Variants in SCHIP1 observed in about 807,000 individuals in gnomAD.
The protein encoded by SCHIP1 is schwannomin interacting protein 1, also known as schwannomin-interacting protein 1.
In SCHIP1, 8 loss-of-function variants were observed where a neutral mutation model predicts 29.7. The observed-to-expected ratio is 0.27, with a 90% confidence interval of 0.16 to 0.49. The LOEUF (loss-of-function observed/expected upper bound fraction) is 0.49, where lower values mean the gene tolerates loss of function less well. Ranked by LOEUF, SCHIP1 falls within the 20% of genes least tolerant of loss-of-function variation. The pLI, the probability that SCHIP1 is intolerant of heterozygous loss-of-function variation, is 0.99. For missense variants in SCHIP1, 193 were observed against 294.6 expected (o/e 0.66, Z 2.52); for synonymous variants, 76 against 94.9 (o/e 0.80, Z 1.16).
intron 5 of SCHIP1, among the ~76,000 whole-genome samples, chr3:159,891,233 TG>T (rs1251698585): frequency 6.6e-6 from 1 of 152,098 alleles, no homozygotes; most frequent in Non-Finnish European, 1.5e-5. Context: ...TAGCCAGGCT[TG>T]GTGGCACATG....
the SCHIP1 span, among the ~76,000 whole-genome samples, chr3:159,494,754 T>G: frequency 6.6e-6 from 1 of 152,324 alleles, no homozygotes; most frequent in Non-Finnish European, 1.5e-5. Context: ...ACTCATTTTT[T>G]TAGGCCAGCA....
chr3:159,767,822 G>A, the SCHIP1 span, among the ~76,000 whole-genome samples: 2 of 152,080 alleles, frequency 1.3e-5, no homozygotes, highest in Non-Finnish European at 2.9e-5. Flanking sequence ...CTGGTGTATT[G>A]TTTTCTTAGT....
chr3:159,698,438 T>G, the SCHIP1 span, among the ~76,000 whole-genome samples: 1 of 152,212 alleles, frequency 6.6e-6, no homozygotes, highest in Non-Finnish European at 1.5e-5. Context: ...CCATCATTTG[T>G]GCAAGGCCAA....
chr3:159,347,130 C>T, the SCHIP1 span, among the ~76,000 whole-genome samples: 3 of 152,142 alleles, frequency 2.0e-5, no homozygotes, highest in Non-Finnish European at 4.4e-5. Flanking sequence ...CATCTATAGA[C>T]GATAGTACGT....
chr3:159,534,444 C>G, the SCHIP1 span, among the ~76,000 whole-genome samples: 1 of 152,156 alleles, frequency 6.6e-6, no homozygotes, highest in African/African-American at 2.4e-5. Context: ...TTCTTGCTCT[C>G]AAAATCCTGG....
the SCHIP1 span, among the ~76,000 whole-genome samples, chr3:159,516,847 G>T: frequency 6.6e-6 from 1 of 152,032 alleles, no homozygotes; most frequent in African/African-American, 2.4e-5. Context: ...CCTCACCCCT[G>T]CCTTTAGTCT....
At chr3:159,485,281 A>G in the SCHIP1 span, among the ~76,000 whole-genome samples, 1 of 152,174 alleles carries the variant, frequency 6.6e-6, no homozygotes, top group Non-Finnish European at 1.5e-5. Flanking sequence ...TACTGCTCTG[A>G]GTGACTTTGA....
At chr3:159,685,505 T>C in the SCHIP1 span, among the ~76,000 whole-genome samples, 1 of 152,252 alleles carries the variant, frequency 6.6e-6, no homozygotes, top group Non-Finnish European at 1.5e-5. Context: ...TACAACTCTT[T>C]AATTCTGTAA....
the SCHIP1 span, among the ~76,000 whole-genome samples, chr3:159,551,657 T>C: frequency 1.3e-5 from 2 of 152,156 alleles, no homozygotes; most frequent in African/African-American, 4.8e-5. Context: ...ATATGGCAAA[T>C]GTTAAGTTTT....
the SCHIP1 span, among the ~76,000 whole-genome samples, chr3:159,391,009 G>C: frequency 6.6e-6 from 1 of 152,128 alleles, no homozygotes; most frequent in African/African-American, 2.4e-5. Context: ...GAAACAGTGA[G>C]TTCAATTTTT....
chr3:159,458,570 T>C, the SCHIP1 span, among the ~76,000 whole-genome samples: 2 of 151,938 alleles, frequency 1.3e-5, no homozygotes, highest in South Asian at 2.1e-4. Flanking sequence ...TTTTCTTTTT[T>C]TTTTTTTTAA....
chr3:159,702,515 T>C, the SCHIP1 span, among the ~76,000 whole-genome samples: 5 of 152,346 alleles, frequency 3.3e-5, no homozygotes, highest in Non-Finnish European at 5.9e-5. Context: ...TGGCCATCTC[T>C]TTTTCCATGA....
chr3:159,760,644 A>G, the SCHIP1 span, among the ~76,000 whole-genome samples: 3 of 152,176 alleles, frequency 2.0e-5, no homozygotes, highest in Non-Finnish European at 4.4e-5. Context: ...TTCCATTCCA[A>G]TTACCGTGAA....
chr3:159,326,037 C>T, the SCHIP1 span, among the ~76,000 whole-genome samples: 1 of 152,158 alleles, frequency 6.6e-6, no homozygotes, highest in African/African-American at 2.4e-5. Flanking sequence ...TTCCTTTACT[C>T]ATCATAGTAA....
the SCHIP1 span, among the ~76,000 whole-genome samples, chr3:159,557,435 G>T: frequency 6.6e-6 from 1 of 151,992 alleles, no homozygotes; most frequent in Non-Finnish European, 1.5e-5. Flanking sequence ...ATCCATAGAA[G>T]GACTAGGAAA....
the SCHIP1 span, among the ~76,000 whole-genome samples, chr3:159,627,743 T>C: frequency 6.6e-6 from 1 of 152,220 alleles, no homozygotes; most frequent in East Asian, 1.9e-4. Flanking sequence ...TAAAATCTAC[T>C]GGAGGGTTTC....
chr3:159,587,601 T>C, the SCHIP1 span, among the ~76,000 whole-genome samples: 1 of 152,310 alleles, frequency 6.6e-6, no homozygotes, highest in Admixed American at 6.5e-5. Flanking sequence ...GTATATCTCC[T>C]AATGCTATCC....
At chr3:159,889,862 C>T (rs965089708) in intron 5 of SCHIP1, among the ~76,000 whole-genome samples, 3 of 151,964 alleles carry the variant, frequency 2.0e-5, no homozygotes, top group Non-Finnish European at 4.4e-5. Flanking sequence ...TTTGGGAGGC[C>T]GAGGTGGGCA....
the SCHIP1 span, among the ~76,000 whole-genome samples, chr3:159,569,586 C>G: frequency 2.0e-5 from 3 of 152,108 alleles, no homozygotes; most frequent in East Asian, 5.8e-4. Flanking sequence ...CATTTGGGTT[C>G]GTTCCAAGTC....
Sources: allele counts gnomAD v4.1 joint callset (sites outside exome capture counted in the v4.1 genomes callset), GRCh38; gene constraint gnomAD v4.1.1; transcripts MANE v1.5; gene names NCBI Gene and HGNC (gene_info 2026-07-23, HGNC 2026-07-21).